The following OPCML variants were observed in gnomAD, a reference collection of about 807,000 sequenced individuals.
OPCML encodes opioid-binding protein/cell adhesion molecule.
In OPCML, 13 loss-of-function variants were observed where a neutral mutation model predicts 37.8. The observed-to-expected ratio is 0.34, with a 90% CI of 0.22 to 0.55. OPCML has a LOEUF of 0.55. Among genes scored for constraint, OPCML ranks in the 20% least tolerant of loss-of-function variants. OPCML has a pLI of 0.91. For missense variants in OPCML, 341 were observed against 435.6 expected (o/e 0.78, Z 1.93); for synonymous variants, 176 against 168.8 (o/e 1.04, Z -0.33).
intron 1 of OPCML, among the ~76,000 whole-genome samples, chr11:133,186,542 G>A (rs777173163): frequency 2.4e-4 from 37 of 152,030 alleles, no homozygotes; most frequent in Non-Finnish European, 5.0e-4. Context: ...GGAAAATGGA[G>A]AGGGGTAAGG....
chr11:133,021,171 G>A (rs1947443209), intron 1 of OPCML, among the ~76,000 whole-genome samples: 1 of 152,152 alleles, frequency 6.6e-6, no homozygotes, highest in Non-Finnish European at 1.5e-5. Flanking sequence ...GTGAAGCTTT[G>A]AGTCTTGTAA....
intron 2 of OPCML, among the ~76,000 whole-genome samples, chr11:132,707,672 C>T (rs754816629): frequency 3.9e-5 from 6 of 152,140 alleles, no homozygotes; most frequent in African/African-American, 1.4e-4. Context: ...CCTATTACAG[C>T]CATCACTAGC....
At chr11:132,924,242 A>C (rs909563821) in intron 2 of OPCML, among the ~76,000 whole-genome samples, 2 of 152,036 alleles carry the variant, frequency 1.3e-5, no homozygotes, top group Non-Finnish European at 2.9e-5. Context: ...TGCTTGGGGG[A>C]TGGAGGATGG....
rs192010269 is a variant in OPCML at position 133,032,735 on chromosome 11, G to T, written c.62-89725C>A. ...CCAGAATCTAACTGAGCAGCCCCCA[G>T]TTATCACCTGTGGCAGGATCCTCCG... On this transcript the variant is annotated intron_variant, in intron 1 of 7. Transcript: ENST00000524381. Among the ~76,000 whole-genome samples, 209 of 152,282 alleles carry T rather than the reference G, an allele frequency of 1.4e-3. 1 individual carries two copies. Among genetic ancestry groups the T allele is most frequent in the Admixed American group, 3.9e-3 (59 of 15,298 alleles).
intron 7 of OPCML, among the ~76,000 whole-genome samples, chr11:132,428,695 T>G (rs2095986081): frequency 6.6e-6 from 1 of 152,212 alleles, no homozygotes; most frequent in South Asian, 2.1e-4. Context: ...TGCTGTCCCT[T>G]GCCCCTTCCA....
chr11:132,652,762 C>A (rs1431768696), intron 3 of OPCML, among the ~76,000 whole-genome samples: 2 of 152,296 alleles, frequency 1.3e-5, no homozygotes, highest in Non-Finnish European at 1.5e-5. Flanking sequence ...CCTCAGGGAC[C>A]TTTCCTCCAT....
At chr11:133,409,082 G>T (rs988114978) in intron 1 of OPCML, among the ~76,000 whole-genome samples, 2 of 152,158 alleles carry the variant, frequency 1.3e-5, no homozygotes, top group African/African-American at 4.8e-5. Flanking sequence ...AGCTGTGAGG[G>T]GGACGAGCGT....
Position 133,173,188 on chromosome 11 carries a change from C to A in OPCML, c.62-230178G>T, listed in dbSNP as rs532576001. Among the ~76,000 whole-genome samples the A allele has an allele frequency of 2.8e-4, 42 of 152,272 alleles. 2 individuals are homozygous for A. In the South Asian group the frequency reaches 8.1e-3, roughly 29 times the overall value. The stretch of plus-strand genomic sequence containing the variant: ...GTGAGGGAATATTTCATATGAATTC[C>A]TAAGAAAATGTCTTCCATGTTTGCT... On this transcript the variant is annotated intron_variant, in intron 1 of 7. Transcript: ENST00000524381. This position sits in a 1 kb window ranked among gnomAD's most constrained non-coding sequence, Gnocchi z 7.8.
chr11:133,167,959 A>G (rs1190036200), intron 1 of OPCML, among the ~76,000 whole-genome samples: 1 of 152,230 alleles, frequency 6.6e-6, no homozygotes, highest in Non-Finnish European at 1.5e-5. Flanking sequence ...AAATTGCAGA[A>G]GACAGTGTCC....
chr11:133,220,723 C>T (rs1012028838), intron 1 of OPCML, among the ~76,000 whole-genome samples: 23 of 152,150 alleles, frequency 1.5e-4, no homozygotes, highest in African/African-American at 5.6e-4. Context: ...TCTCAGAGAG[C>T]AAAGTCTCCC....
chr11:133,462,531 A>C (rs1445276322), intron 1 of OPCML, among the ~76,000 whole-genome samples: 1 of 152,168 alleles, frequency 6.6e-6, no homozygotes, highest in Non-Finnish European at 1.5e-5. Flanking sequence ...AAAGGACTTT[A>C]ATAGATATTT....
At chr11:133,044,930 C>T (rs1947979150) in intron 1 of OPCML, among the ~76,000 whole-genome samples, 1 of 152,174 alleles carries the variant, frequency 6.6e-6, no homozygotes, top group Admixed American at 6.5e-5. Flanking sequence ...AAGACCAGCC[C>T]TGAATCTCAG....
At chr11:133,380,786 T>C (rs1454549238) in intron 1 of OPCML, among the ~76,000 whole-genome samples, 1 of 152,220 alleles carries the variant, frequency 6.6e-6, no homozygotes, top group Non-Finnish European at 1.5e-5. Context: ...CCCTGGTTCT[T>C]GCTATTCCTG....
intron 2 of OPCML, among the ~76,000 whole-genome samples, chr11:132,879,202 C>A (rs528758629): frequency 1.3e-5 from 2 of 152,234 alleles, no homozygotes; most frequent in East Asian, 3.9e-4. Context: ...TATAGAGCGT[C>A]TACTATATGG....
chr11:132,602,199 A>G (rs1937968006), intron 3 of OPCML, among the ~76,000 whole-genome samples: 1 of 152,146 alleles, frequency 6.6e-6, no homozygotes, highest in Admixed American at 6.6e-5. Flanking sequence ...CTCACAATGG[A>G]CTATTTTTAG....
chr11:133,232,769 G>A (rs1940333441), intron 1 of OPCML, among the ~76,000 whole-genome samples: 1 of 152,174 alleles, frequency 6.6e-6, no homozygotes, highest in African/African-American at 2.4e-5. Flanking sequence ...AAAAAGTGGG[G>A]GAAAGAGGAG....
chr11:133,216,595 A>G (rs988404972), intron 1 of OPCML, among the ~76,000 whole-genome samples: 15 of 152,160 alleles, frequency 9.9e-5, no homozygotes, highest in African/African-American at 2.2e-4. Flanking sequence ...TTACATTTGT[A>G]TGGTAATTTA....
intron 2 of OPCML, among the ~76,000 whole-genome samples, chr11:132,843,055 C>T (rs571874995): frequency 7.3e-4 from 110 of 150,474 alleles, no homozygotes; most frequent in African/African-American, 2.5e-3. Context: ...CATTCTTTTA[C>T]ACTTCTACTG....
intron 2 of OPCML, among the ~76,000 whole-genome samples, chr11:132,669,487 A>T (rs967755607): frequency 1.3e-5 from 2 of 152,124 alleles, no homozygotes; most frequent in African/African-American, 4.8e-5. Context: ...AGTTTTTTGG[A>T]GTCAGTAATG....
Sources: gnomAD v4.1 joint callset for allele counts (sites outside exome capture counted in the v4.1 genomes callset) on GRCh38, gnomAD v4.1.1 for gene constraint, Gnocchi (gnomAD v3.1) non-coding constraint, MANE v1.5 for transcripts, NCBI Gene and HGNC (gene_info 2026-07-23, HGNC 2026-07-21) for gene names.